The following NRG3 variants were observed in gnomAD, a reference collection of about 807,000 sequenced individuals.
NRG3 encodes the protein pro-neuregulin-3, membrane-bound isoform.
Under a neutral mutation model 66.9 loss-of-function variants are expected in NRG3, and 31 were observed. That is an observed-to-expected ratio of 0.46 (90% CI 0.35 to 0.63). The LOEUF is 0.63. Ranked by LOEUF, NRG3 falls within the 20% of genes least tolerant of loss-of-function variation. NRG3 has a pLI of 0.00. For synonymous variants in NRG3, 393 were observed against 359.4 expected (o/e 1.09, Z -1.06); for missense variants, 910 against 878.9 (o/e 1.04, Z -0.45).
intron 3 of NRG3, among the ~76,000 whole-genome samples, chr10:82,812,054 T>C (rs2061511338): frequency 6.6e-6 from 1 of 152,218 alleles, no homozygotes; most frequent in African/African-American, 2.4e-5. Context: ...ATAGCTCAGC[T>C]GAGTTAAATG....
chr10:82,716,627 A>T (rs1565233740), intron 2 of NRG3, among the ~76,000 whole-genome samples: 1 of 152,182 alleles, frequency 6.6e-6, no homozygotes, highest in Non-Finnish European at 1.5e-5. Context: ...TCCAAACCAA[A>T]ATGAGGCCCT....
chr10:82,799,514 G>A (rs35337135), intron 3 of NRG3, among the ~76,000 whole-genome samples: 7 of 108,436 alleles, frequency 6.5e-5, no homozygotes, highest in South Asian at 5.8e-4. Flanking sequence ...TGACAAGAGC[G>A]AAATTCCGTC....
chr10:82,441,384 T>C (rs1270943386), intron 2 of NRG3, among the ~76,000 whole-genome samples: 2 of 152,244 alleles, frequency 1.3e-5, no homozygotes, highest in African/African-American at 2.4e-5. Flanking sequence ...GCGAGTCAAC[T>C]GTACTGCGGT....
chr10:81,904,842 C>T (rs1333122502), intron 1 of NRG3, among the ~76,000 whole-genome samples: 2 of 152,148 alleles, frequency 1.3e-5, no homozygotes, highest in African/African-American at 4.8e-5. Flanking sequence ...GTTTCCTCTT[C>T]TGTAAAATCA....
intron 2 of NRG3, among the ~76,000 whole-genome samples, chr10:82,576,916 T>C (rs1164555958): frequency 1.3e-5 from 2 of 151,816 alleles, no homozygotes; most frequent in African/African-American, 4.8e-5. Flanking sequence ...ATCATCAGCT[T>C]CCTTCTAGTG....
intron 1 of NRG3, among the ~76,000 whole-genome samples, chr10:82,352,246 G>T (rs2083481827): frequency 6.6e-6 from 1 of 152,148 alleles, no homozygotes; most frequent in African/African-American, 2.4e-5. Context: ...TAACATGTTT[G>T]TATCTTCCAG....
At chr10:81,914,633 G>A (rs111720588) in intron 1 of NRG3, among the ~76,000 whole-genome samples, 2,863 of 152,144 alleles carry the variant, frequency 0.019, 80 homozygotes, top group African/African-American at 0.063. Context: ...GTGTGTGCCT[G>A]TAGTTCTAGC....
intron 2 of NRG3, among the ~76,000 whole-genome samples, chr10:82,417,217 G>T (rs1475789445): frequency 6.6e-6 from 1 of 152,146 alleles, no homozygotes; most frequent in Non-Finnish European, 1.5e-5. Context: ...CTGAAAATAT[G>T]AATAAAAGAG....
intron 6 of NRG3, among the ~76,000 whole-genome samples, chr10:82,965,119 C>A (rs71485119): frequency 0.11 from 16,576 of 152,134 alleles, 1,229 homozygotes; most frequent in Non-Finnish European, 0.17. Flanking sequence ...ACAACAACAA[C>A]AAAAAACACT....
intron 1 of NRG3, among the ~76,000 whole-genome samples, chr10:82,072,858 C>T (rs1261826209): frequency 6.6e-6 from 1 of 152,252 alleles, no homozygotes; most frequent in Non-Finnish European, 1.5e-5. Flanking sequence ...CCTCCAACTC[C>T]TGGGCTCAAG....
chr10:82,287,996 T>G (rs989158285), intron 1 of NRG3, among the ~76,000 whole-genome samples: 27 of 152,190 alleles, frequency 1.8e-4, no homozygotes, highest in African/African-American at 6.3e-4. Context: ...AGGCCAGTAC[T>G]CAAGTCATTT....
chr10:82,870,139 AT>A (rs1234469631), intron 4 of NRG3, among the ~76,000 whole-genome samples: 1 of 151,208 alleles, frequency 6.6e-6, no homozygotes, highest in Non-Finnish European at 1.5e-5. Context: ...AAGTGCTAGG[AT>A]TACAGGCGTG....
intron 2 of NRG3, among the ~76,000 whole-genome samples, chr10:82,418,413 C>T (rs2088767835): frequency 6.6e-6 from 1 of 152,064 alleles, no homozygotes. Context: ...TGCAAATTAA[C>T]CAGTTTATGC....
rs566101323 is a variant in NRG3 at position 82,257,169 on chromosome 10, A to T, written c.824-101570A>T. Among the ~76,000 whole-genome samples the T allele has an allele frequency of 1.6e-4, 25 of 152,332 alleles. No homozygotes were observed. The East Asian group carries it at 3.3e-3, about 20-fold the overall frequency. The stretch of plus-strand genomic sequence containing the variant: ...TTATTTTTAAAACCTGAATGCCAAA[A>T]AGTATTTGAATGAAAGAGTCAATCA... On this transcript the variant is annotated intron_variant, in intron 1 of 8. Coordinates refer to ENST00000372141, the MANE Select transcript of NRG3 (RefSeq NM_001010848.4).
chr10:82,156,088 T>A (rs2071163188), intron 1 of NRG3, among the ~76,000 whole-genome samples: 1 of 151,712 alleles, frequency 6.6e-6, no homozygotes, highest in South Asian at 2.1e-4. Flanking sequence ...TGTGAAGCTG[T>A]AGAGAACAGT....
chr10:82,386,018 G>A (rs753092841), intron 2 of NRG3, among the ~76,000 whole-genome samples: 7 of 151,738 alleles, frequency 4.6e-5, no homozygotes, highest in Non-Finnish European at 7.4e-5. Context: ...TCAGTTGAAG[G>A]AAAAAAAATC....
chr10:82,695,929 G>C (rs1353892029), intron 2 of NRG3, among the ~76,000 whole-genome samples: 1 of 152,004 alleles, frequency 6.6e-6, no homozygotes, highest in Non-Finnish European at 1.5e-5. Flanking sequence ...GTCTTTTTGA[G>C]TCAGCACCTC....
intron 1 of NRG3, among the ~76,000 whole-genome samples, chr10:82,232,066 T>G (rs1296735528): frequency 6.6e-6 from 1 of 152,096 alleles, no homozygotes; most frequent in Non-Finnish European, 1.5e-5. Context: ...ATTACTATGG[T>G]AGGTCTCTCA....
At chr10:82,037,605 C>G (rs1320073940) in intron 1 of NRG3, among the ~76,000 whole-genome samples, 1 of 152,088 alleles carries the variant, frequency 6.6e-6, no homozygotes, top group Non-Finnish European at 1.5e-5. Context: ...TTAAACAGGT[C>G]TAACAGCATT....
Sources: allele counts gnomAD v4.1 joint callset (sites outside exome capture counted in the v4.1 genomes callset), GRCh38; gene constraint gnomAD v4.1.1; transcripts MANE v1.5; gene names NCBI Gene and HGNC (gene_info 2026-07-23, HGNC 2026-07-21).